LYRM4: variants seen among roughly 807,000 people sequenced by gnomAD.
LYRM4 encodes LYR motif containing 4, also known as LYR motif-containing protein 4.
In LYRM4, 9 loss-of-function variants were observed where a neutral mutation model predicts 11.7. That is an observed-to-expected ratio of 0.77 (90% CI 0.46 to 1.34). The LOEUF is 1.34. LYRM4 is among the 40% of genes most tolerant of loss of function. LYRM4 has a pLI of 0.00. For missense variants in LYRM4, 133 were observed against 112.5 expected, an observed-to-expected ratio of 1.18 and a Z score of -0.82; for synonymous variants, 42 against 40.4, an observed-to-expected ratio of 1.04 and a Z score of -0.15.
At chr6:5,100,434 C>A (rs142846836), downstream of LYRM4, among the ~76,000 whole-genome samples, 20 of 152,300 alleles carry the variant, frequency 1.3e-4, no homozygotes, top group African/African-American at 3.8e-4. Context: ...TGGAAGATGA[C>A]TGCTCTGGAC....
intron 2 of LYRM4, among the ~76,000 whole-genome samples, chr6:5,143,629 T>C (rs992723998): frequency 2.4e-4 from 36 of 152,292 alleles, no homozygotes; most frequent in Non-Finnish European, 4.7e-4. Context: ...CATCTTGTTT[T>C]CTCTGTCCTG....
intron 1 of LYRM4, among the ~76,000 whole-genome samples, chr6:5,244,019 T>G (rs1255563606): frequency 1.3e-5 from 2 of 152,250 alleles, no homozygotes; most frequent in East Asian, 3.8e-4. Context: ...CTAACATATC[T>G]TGTTTCCTGA....
chr6:5,169,352 C>CA (rs1260582168), intron 2 of LYRM4, among the ~76,000 whole-genome samples: 1 of 152,116 alleles, frequency 6.6e-6, no homozygotes, highest in Non-Finnish European at 1.5e-5. Context: ...AAGGAACTGG[C>CA]ACAAACAAAA....
chr6:5,196,152 G>A (rs111357610), intron 2 of LYRM4, among the ~76,000 whole-genome samples: 11 of 152,232 alleles, frequency 7.2e-5, no homozygotes, highest in South Asian at 2.1e-4. Flanking sequence ...CTCCGACCCC[G>A]CAGCACTGCC....
chr6:5,139,314 C>T (rs1757279907), intron 2 of LYRM4, among the ~76,000 whole-genome samples: 1 of 152,148 alleles, frequency 6.6e-6, no homozygotes, highest in Non-Finnish European at 1.5e-5. Context: ...ATATCATATC[C>T]AGAACTCTGA....
downstream of LYRM4, chr6:5,106,084 A>G (rs1762656062): frequency 6.6e-6 from 1 of 152,310 alleles, no homozygotes; most frequent in Non-Finnish European, 1.5e-5. Context: ...ACGTGTAAAT[A>G]TCCCCTGGGG....
At chr6:5,036,585 G>T in the LYRM4 span, among the ~76,000 whole-genome samples, 1 of 152,316 alleles carries the variant, frequency 6.6e-6, no homozygotes, top group African/African-American at 2.4e-5. Context: ...TCTGCCTGCC[G>T]TCTCCTTCTG....
the LYRM4 span, among the ~76,000 whole-genome samples, chr6:5,050,736 G>A: frequency 6.6e-6 from 1 of 152,116 alleles, no homozygotes; most frequent in Non-Finnish European, 1.5e-5. Flanking sequence ...CCAAGGCAGA[G>A]AGTTACAGAG....
downstream of LYRM4, among the ~76,000 whole-genome samples, chr6:5,101,217 T>G (rs1005043202): frequency 6.6e-6 from 1 of 152,236 alleles, no homozygotes; most frequent in East Asian, 1.9e-4. Flanking sequence ...CCAGCCCTAT[T>G]TTATCTGTGC....
the LYRM4 span, chr6:5,085,803 G>A: frequency 7.2e-6 from 11 of 1,528,730 alleles, no homozygotes; most frequent in Non-Finnish European, 9.6e-6. Flanking sequence ...AGCAACAGGC[G>A]GTGGCACTGG....
Position 5,258,551 on chromosome 6 carries a change from G to C in LYRM4, c.86+2097C>G, listed in dbSNP as rs577826320. 2.2e-4 allele frequency among the ~76,000 whole-genome samples: 33 copies of C among 152,364 alleles called. No homozygotes were observed. In the South Asian group the frequency reaches 6.6e-3, roughly 31 times the overall value. ...CAGTGACAAACAGCTGCAGAGATTA[G>C]AGAGGAGGGAAGGGACTTTTCCTGA... is the stretch of plus-strand genomic sequence containing the variant. On this transcript the variant is annotated intron_variant, in intron 1 of 2. Transcript: ENST00000330636.
chr6:5,220,864 A>T (rs1243948370), intron 1 of LYRM4, among the ~76,000 whole-genome samples: 1 of 152,140 alleles, frequency 6.6e-6, no homozygotes, highest in Admixed American at 6.5e-5. Flanking sequence ...ACAGGGTTTC[A>T]CTGTCACCCA....
intron 2 of LYRM4, among the ~76,000 whole-genome samples, chr6:5,117,061 C>T (rs1316394952): frequency 1.3e-5 from 2 of 152,164 alleles, no homozygotes; most frequent in South Asian, 2.1e-4. Flanking sequence ...CTGCCTATTT[C>T]GCAGAGTTGT....
the LYRM4 span, among the ~76,000 whole-genome samples, chr6:5,061,492 G>T: frequency 1.3e-5 from 2 of 152,230 alleles, no homozygotes; most frequent in African/African-American, 4.8e-5. Context: ...CATAAATAAT[G>T]AGAGAAATGC....
At position 5,244,520 on chromosome 6, in the gene LYRM4, G is replaced by A. The variant is rs111902427; in HGVS notation, c.86+16128C>T. Among the ~76,000 whole-genome samples the A allele has an allele frequency of 4.3e-3, 660 of 152,254 alleles. 3 individuals are homozygous for A. Among genetic ancestry groups the A allele is most frequent in the African/African-American group, 0.015 (633 of 41,538 alleles). On this transcript the variant is annotated intron_variant, in intron 1 of 2. Coordinates refer to ENST00000330636, the MANE Select transcript of LYRM4 (RefSeq NM_020408.6). ...TGGGGAGCCAAAAGCAGAGGGGTGA[G>A]AGTGTTGGAAAGGAGAAGAGAGACT...
chr6:5,068,358 G>A, the LYRM4 span, among the ~76,000 whole-genome samples: 1 of 152,146 alleles, frequency 6.6e-6, no homozygotes, highest in Non-Finnish European at 1.5e-5. This position sits in a 1 kb window ranked among gnomAD's most constrained non-coding sequence, Gnocchi z 4.0. Flanking sequence ...AAGGCCTCCT[G>A]CCAGCACGCC....
chr6:5,050,314 T>A, the LYRM4 span, among the ~76,000 whole-genome samples: 1 of 152,164 alleles, frequency 6.6e-6, no homozygotes, highest in African/African-American at 2.4e-5. Flanking sequence ...TGCAAAAAGC[T>A]TGAAGGAGCC....
At chr6:5,057,940 TGG>T in the LYRM4 span, among the ~76,000 whole-genome samples, 1 of 152,002 alleles carries the variant, frequency 6.6e-6, no homozygotes, top group Non-Finnish European at 1.5e-5. Context: ...TTTGTAGAGA[TGG>T]GGTCACTTTA....
intron 1 of LYRM4, among the ~76,000 whole-genome samples, chr6:5,242,721 A>AAAC (rs766094175): frequency 1.3e-5 from 2 of 151,850 alleles, no homozygotes; most frequent in African/African-American, 2.4e-5. Context: ...CCCCTTCTCA[A>AAAC]AACAACAACA....
Sources: gnomAD v4.1 joint callset for allele counts (sites outside exome capture counted in the v4.1 genomes callset) on GRCh38, gnomAD v4.1.1 for gene constraint, Gnocchi (gnomAD v3.1) non-coding constraint, MANE v1.5 for transcripts, NCBI Gene and HGNC (gene_info 2026-07-23, HGNC 2026-07-21) for gene names.